Variants in GNPDA2 observed in about 807,000 individuals in gnomAD.
GNPDA2 encodes glcN6P deaminase 2.
Under a neutral mutation model 27.0 loss-of-function variants are expected in GNPDA2, and 24 were observed. The ratio of observed to expected loss-of-function variants is 0.89; its 90% CI spans 0.64 to 1.25. GNPDA2 has a LOEUF of 1.25. Among genes scored for constraint, GNPDA2 ranks in the 50% most tolerant of loss-of-function variants. The probability of loss-of-function intolerance (pLI) is 0.00; values close to 1 mark genes in which losing one functional copy is unlikely to be tolerated. For missense variants in GNPDA2, 286 were observed against 335.1 expected, an observed-to-expected ratio of 0.85 and a Z score of 1.14; for synonymous variants, 94 against 108.4, an observed-to-expected ratio of 0.87 and a Z score of 0.83.
intron 6 of GNPDA2, chr4:44,703,627 G>T: frequency 2.0e-6 from 2 of 983,418 alleles, no homozygotes; most frequent in Non-Finnish European, 2.4e-6. Context: ...TATGACAAAG[G>T]TTGATTACAA....
chr4:44,708,063 G>A (rs1338237744), intron 5 of GNPDA2, 137 bp from the exon 6 acceptor site: 3 of 518,252 alleles, frequency 5.8e-6, no homozygotes, highest in South Asian at 4.2e-5. Flanking sequence ...AATAGTTCAA[G>A]GTATTCATTT....
intron 2 of GNPDA2, among the ~76,000 whole-genome samples, chr4:44,720,271 C>A (rs1482798099): frequency 1.3e-5 from 2 of 152,094 alleles, no homozygotes; most frequent in Non-Finnish European, 2.9e-5. Context: ...GACAAAATAA[C>A]TGGGTCAAAA....
chr4:44,719,269 C>G (rs946089483), intron 2 of GNPDA2, among the ~76,000 whole-genome samples: 1 of 151,836 alleles, frequency 6.6e-6, no homozygotes, highest in Non-Finnish European at 1.5e-5. Flanking sequence ...TGATTCCTAG[C>G]TAACCCACCA....
At chr4:44,706,270 T>TA (rs1716599045) in intron 6 of GNPDA2, 1 of 150,596 alleles carries the variant, frequency 6.6e-6, no homozygotes, top group Non-Finnish European at 1.5e-5. Context: ...GGTAAATTAG[T>TA]AATTTAAATG....
At chr4:44,719,181 T>G (rs954479133) in intron 2 of GNPDA2, among the ~76,000 whole-genome samples, 1 of 152,046 alleles carries the variant, frequency 6.6e-6, no homozygotes, top group Non-Finnish European at 1.5e-5. Flanking sequence ...TTTTTTCATT[T>G]TAACTTCAAA....
intron 1 of GNPDA2, among the ~76,000 whole-genome samples, chr4:44,722,930 A>C (rs1391277322): frequency 2.0e-5 from 3 of 152,352 alleles, no homozygotes; most frequent in Admixed American, 2.0e-4. Flanking sequence ...GTCAGAATTC[A>C]AATTATAACA....
At chr4:44,720,706 T>C (rs1717609741) in intron 2 of GNPDA2, among the ~76,000 whole-genome samples, 1 of 152,120 alleles carries the variant, frequency 6.6e-6, no homozygotes. Flanking sequence ...CATAATTAAC[T>C]TGTCGATGGT....
chr4:44,710,812 A>C, intron 5 of GNPDA2, 141 bp downstream of exon 5: 1 of 614,364 alleles, frequency 1.6e-6, no homozygotes, highest in Middle Eastern at 4.5e-4. Flanking sequence ...GACTGACAAA[A>C]GTTGGTTACT....
intron 4 of GNPDA2, chr4:44,714,607 CT>C (rs1298350401): frequency 2.0e-6 from 2 of 981,642 alleles, no homozygotes; most frequent in East Asian, 1.1e-4. Context: ...TTTAATAAAG[CT>C]GATATTTTGA....
chr4:44,711,173 G>A, intron 4 of GNPDA2, 36 bp from the exon 5 acceptor site: 1 of 1,321,768 alleles, frequency 7.6e-7, no homozygotes, highest in East Asian at 2.7e-5. Context: ...TACACATGAA[G>A]TAAATAGGTT....
At chr4:44,713,451 C>T (rs1324796644) in intron 4 of GNPDA2, among the ~76,000 whole-genome samples, 1 of 152,162 alleles carries the variant, frequency 6.6e-6, no homozygotes, top group African/African-American at 2.4e-5. Flanking sequence ...GTGAGTTACC[C>T]TAGAATCATT....
intron 4 of GNPDA2, among the ~76,000 whole-genome samples, chr4:44,712,675 A>T (rs1717049437): frequency 6.6e-6 from 1 of 152,134 alleles, no homozygotes; most frequent in Non-Finnish European, 1.5e-5. Flanking sequence ...TACAAGCTTC[A>T]GGAAAAAAAT....
chr4:44,703,511 C>T, intron 6 of GNPDA2: 1 of 1,000,026 alleles, frequency 1.0e-6, no homozygotes, highest in Non-Finnish European at 1.2e-6. Flanking sequence ...CTGGCAGTTC[C>T]TCTACTAGAC....
intron 1 of GNPDA2, among the ~76,000 whole-genome samples, chr4:44,724,643 T>C (rs1447632354): frequency 1.3e-5 from 2 of 152,188 alleles, no homozygotes; most frequent in Non-Finnish European, 2.9e-5. Flanking sequence ...CTGAGTTTTG[T>C]ACCCACACAC....
chr4:44,719,117 ATATT>A (rs1287994444), intron 2 of GNPDA2, among the ~76,000 whole-genome samples: 1 of 152,014 alleles, frequency 6.6e-6, no homozygotes, highest in African/African-American at 2.4e-5. Flanking sequence ...AAAAATAAAT[ATATT>A]TAGCCACTCG....
chr4:44,717,150 T>G lies in GNPDA2; in HGVS notation c.372A>C (p.Lys124Asn). 1 of 1,609,510 alleles carries G rather than the reference T, an allele frequency of 6.2e-7. No homozygotes were observed. The highest frequency in any genetic ancestry group is 1.1e-5 in the South Asian group (1 of 89,554). ...LQAECDAFEN[K>N]IKEAGGIDLF... ...GATCTATTCCTCCAGCTTCTTTTAT[T>G]TTGTTTTCAAAAGCATCACATTCTG... Residue 124 changes from lysine (K) to asparagine (N), a missense_variant, in exon 4 of 7, where the codon AAA (lysine) becomes AAC (asparagine). Transcript: ENST00000295448.
Position 44,702,983 on chromosome 4 carries a change from A to C in GNPDA2, c.*98T>G. The C allele has an allele frequency of 6.4e-7, 1 of 1,560,534 alleles. No individual in the cohort carries two copies. Among genetic ancestry groups the C allele is most frequent in the Non-Finnish European group, 8.6e-7 (1 of 1,162,568 alleles). ...CGAATGAAAAAATGACAATCTTCAA[A>C]ATTCCCCATGTTTTGTCATATTGCA... On this transcript the variant is annotated 3_prime_UTR_variant, in exon 7 of 7. Coordinates refer to ENST00000295448, the MANE Select transcript of GNPDA2 (RefSeq NM_138335.3).
intron 4 of GNPDA2, among the ~76,000 whole-genome samples, chr4:44,714,854 G>A (rs1289166041): frequency 1.3e-5 from 2 of 152,120 alleles, no homozygotes; most frequent in Non-Finnish European, 2.9e-5. Context: ...CCTTTAGATG[G>A]TACATATAAA....
chr4:44,715,997 C>G (rs1420396310), intron 4 of GNPDA2, among the ~76,000 whole-genome samples: 1 of 151,952 alleles, frequency 6.6e-6, no homozygotes, highest in Non-Finnish European at 1.5e-5. Context: ...GGAGTACCAA[C>G]TATATACCAA....
Sources: gnomAD v4.1 joint callset for allele counts (sites outside exome capture counted in the v4.1 genomes callset) on GRCh38, gnomAD v4.1.1 for gene constraint, MANE v1.5 for transcripts, NCBI Gene and HGNC (gene_info 2026-07-23, HGNC 2026-07-21) for gene names.